RP1: variants seen among roughly 807,000 people sequenced by gnomAD.
RP1 encodes oxygen-regulated protein 1.
A neutral mutation model predicts 14.8 loss-of-function variants in RP1; 16 were observed. The observed-to-expected ratio is 1.08, with a 90% confidence interval of 0.73 to 1.65. The LOEUF is 1.65. RP1 is among the 40% of genes most tolerant of loss of function. The pLI is 0.00. For synonymous variants in RP1, 876 were observed against 883.6 expected (o/e 0.99, Z 0.15); for missense variants, 2,631 against 2,535.0 (o/e 1.04, Z -0.81).
In RP1 at chr8:54,630,195, C is replaced by G. The variant is rs1806215456; in HGVS notation, c.6313C>G (p.Leu2105Val). 6.2e-7 allele frequency: 1 copy of G among 1,613,624 alleles called. No individual in the cohort carries two copies. The highest frequency in any genetic ancestry group is 8.5e-7 in the Non-Finnish European group (1 of 1,179,916). Residue 2105 changes from leucine to valine, a missense_variant, in exon 4 of 4, where the codon CTC becomes GTC. Physicochemically the swap from Leu to Val is conservative, Grantham distance 32. Coordinates refer to ENST00000220676, the MANE Select transcript of RP1 (RefSeq NM_006269.2). ...CTTTGAAATGCTTGGTCAAGCTTGC[C>G]TCTTAGATATTTGCCAAGTTGAGAC... Reference protein sequence around the residue: ...YFFEMLGQACLLDICQVETSL... With the variant: ...YFFEMLGQACVLDICQVETSL...
chr8:54,724,555 A>G (rs183064823), intron 16 of RP1, among the ~76,000 whole-genome samples: 1 of 152,264 alleles, frequency 6.6e-6, no homozygotes, highest in East Asian at 1.9e-4. Context: ...TTTGTTTTAC[A>G]TTGCTAGTGA....
chr8:54,632,837 A>G (rs1468825421), downstream of RP1, among the ~76,000 whole-genome samples: 1 of 152,190 alleles, frequency 6.6e-6, no homozygotes, highest in Non-Finnish European at 1.5e-5. Context: ...GAAACTTTAG[A>G]GGAAATTTAA....
At chr8:54,809,992 G>A (rs1397543451) in intron 24 of RP1, among the ~76,000 whole-genome samples, 1 of 152,114 alleles carries the variant, frequency 6.6e-6, no homozygotes, top group Non-Finnish European at 1.5e-5. Context: ...TGAAAGCTCA[G>A]GCCAATGAAC....
Position 54,863,044 on chromosome 8 carries a change from GATATATATATATATATATATATAT to G in RP1, c.4070-2780_4070-2757del, listed in dbSNP as rs61233765. 7.3e-3 allele frequency among the ~76,000 whole-genome samples: 746 copies of G among 101,848 alleles called. 12 individuals are homozygous for G. The highest frequency in any genetic ancestry group is 0.025 in the African/African-American group (678 of 27,214). 66.8% of individuals were successfully genotyped at this position (101,848 alleles called of 152,430 possible). On this transcript the variant is annotated intron_variant, in intron 27 of 28. Transcript: ENST00000637698. ...CTCTACCCCCAGAGTATTCCAAATG[GATATATATATATATATATATATAT>G]ATATATATATGCAGAATCATGTGCT...
At chr8:54,607,267 G>T (rs1267459683) in intron 1 of RP1, among the ~76,000 whole-genome samples, 1 of 152,202 alleles carries the variant, frequency 6.6e-6, no homozygotes, top group East Asian at 1.9e-4. Context: ...CTAACAGTCA[G>T]TACCCTCAGC....
At chr8:54,728,656 A>G (rs1045915647) in intron 17 of RP1, among the ~76,000 whole-genome samples, 1 of 152,190 alleles carries the variant, frequency 6.6e-6, no homozygotes, top group African/African-American at 2.4e-5. Flanking sequence ...AATAGCACAT[A>G]TATGATAAAT....
At chr8:54,590,830 T>G (rs1805030028) in intron 1 of RP1, among the ~76,000 whole-genome samples, 1 of 152,110 alleles carries the variant, frequency 6.6e-6, no homozygotes, top group African/African-American at 2.4e-5. Context: ...CATTTTGAAA[T>G]CCACAAGTAT....
intron 24 of RP1, among the ~76,000 whole-genome samples, chr8:54,796,988 G>A (rs1025580653): frequency 1.3e-5 from 2 of 152,204 alleles, no homozygotes; most frequent in Non-Finnish European, 2.9e-5. Flanking sequence ...GGGGTGAAGA[G>A]AAATGGTGGT....
downstream of RP1, among the ~76,000 whole-genome samples, chr8:54,770,878 T>C (rs1026313519): frequency 8.5e-5 from 13 of 152,068 alleles, no homozygotes; most frequent in African/African-American, 2.9e-4. Flanking sequence ...TCTGCAATTA[T>C]AGTATTAATA....
intron 15 of RP1, among the ~76,000 whole-genome samples, chr8:54,710,738 C>T (rs1191507094): frequency 2.6e-5 from 4 of 152,154 alleles, no homozygotes; most frequent in East Asian, 1.9e-4. Flanking sequence ...CTCATCCAGC[C>T]GCTGTCTCTG....
At chr8:54,784,496 A>G (rs1274551970) in intron 24 of RP1, among the ~76,000 whole-genome samples, 1 of 151,622 alleles carries the variant, frequency 6.6e-6, no homozygotes, top group Admixed American at 6.6e-5. Context: ...TCAAGTTTTT[A>G]CTATTATAAA....
At chr8:54,850,399 C>A (rs2129407841) in intron 25 of RP1, among the ~76,000 whole-genome samples, 1 of 152,298 alleles carries the variant, frequency 6.6e-6, no homozygotes, top group South Asian at 2.1e-4. Context: ...TCATTGAGCT[C>A]CCCCAGGAGT....
At chr8:54,711,722 A>G (rs1485978608) in intron 15 of RP1, among the ~76,000 whole-genome samples, 3 of 152,202 alleles carry the variant, frequency 2.0e-5, no homozygotes, top group African/African-American at 7.2e-5. Flanking sequence ...AAGATTTGCC[A>G]GGGATGGAGA....
chr8:54,749,401 T>C (rs1374868029), intron 19 of RP1, among the ~76,000 whole-genome samples: 3 of 152,056 alleles, frequency 2.0e-5, no homozygotes, highest in Non-Finnish European at 4.4e-5. Flanking sequence ...GGTTATTAAT[T>C]GCATTTAATC....
At chr8:54,725,038 C>G (rs1227877054) in intron 16 of RP1, among the ~76,000 whole-genome samples, 1 of 152,230 alleles carries the variant, frequency 6.6e-6, no homozygotes, top group Non-Finnish European at 1.5e-5. Context: ...TCATCAGTAT[C>G]TATCAGAGGT....
At chr8:54,583,353 C>A (rs1804842193) in intron 1 of RP1, among the ~76,000 whole-genome samples, 2 of 152,194 alleles carry the variant, frequency 1.3e-5, no homozygotes, top group African/African-American at 4.8e-5. Context: ...ATGAAGCCCA[C>A]TTGATTGTGG....
At chr8:54,719,741 C>A (rs1471771442) in intron 15 of RP1, among the ~76,000 whole-genome samples, 1 of 152,140 alleles carries the variant, frequency 6.6e-6, no homozygotes, top group Non-Finnish European at 1.5e-5. Context: ...TGTAAATTGA[C>A]TTATGGTAAG....
downstream of RP1, among the ~76,000 whole-genome samples, chr8:54,631,291 A>T (rs967013051): frequency 2.6e-5 from 4 of 152,232 alleles, no homozygotes; most frequent in African/African-American, 9.6e-5. Flanking sequence ...TTTTAAAAAA[A>T]CATTAAGTGA....
chr8:54,840,260 T>C (rs936885146), intron 25 of RP1, among the ~76,000 whole-genome samples: 9 of 152,052 alleles, frequency 5.9e-5, no homozygotes, highest in Admixed American at 4.6e-4. Flanking sequence ...TGCATTATTA[T>C]TATTATTATT....
Sources: gnomAD v4.1 joint callset for allele counts (sites outside exome capture counted in the v4.1 genomes callset) on GRCh38, gnomAD v4.1.1 for gene constraint, MANE v1.5 for transcripts, NCBI Gene and HGNC (gene_info 2026-07-23, HGNC 2026-07-21) for gene names.